The following TSNARE1 variants were observed in gnomAD, a reference collection of about 807,000 sequenced individuals.
TSNARE1 encodes the protein t-SNARE domain-containing protein 1.
Under a neutral mutation model 62.0 loss-of-function variants are expected in TSNARE1, and 49 were observed. The ratio of observed to expected loss-of-function variants is 0.79; its 90% CI spans 0.63 to 1.00. The LOEUF is 1.00. TSNARE1 is among the 50% of genes least tolerant of loss of function. The probability of loss-of-function intolerance (pLI) is 0.00; values close to 1 mark genes in which losing one functional copy is unlikely to be tolerated. For synonymous variants in TSNARE1, 328 were observed against 294.4 expected, an observed-to-expected ratio of 1.11 and a Z score of -1.17; for missense variants, 755 against 700.1, an observed-to-expected ratio of 1.08 and a Z score of -0.88.
intron 1 of TSNARE1, among the ~76,000 whole-genome samples, chr8:142,383,675 C>T (rs1475528138): frequency 6.6e-6 from 1 of 152,166 alleles, no homozygotes; most frequent in Non-Finnish European, 1.5e-5. Context: ...CTGTGTGCAG[C>T]CACCAAAAGA....
intron 6 of TSNARE1, among the ~76,000 whole-genome samples, chr8:142,325,043 T>A (rs1830001975): frequency 6.6e-6 from 1 of 152,222 alleles, no homozygotes; most frequent in Admixed American, 6.5e-5. Context: ...CCCAGTTTCA[T>A]GAGCAGGTGA....
chr8:142,307,203 C>T (rs950351011), intron 9 of TSNARE1, among the ~76,000 whole-genome samples: 18 of 152,080 alleles, frequency 1.2e-4, no homozygotes, highest in Non-Finnish European at 2.6e-4. Flanking sequence ...TTGGACTCAG[C>T]GTTATGTCCG....
chr8:142,379,934 C>T lies in TSNARE1; in HGVS notation c.-40+23170G>A, dbSNP rs192480101. On this transcript the variant is annotated intron_variant, in intron 1 of 13. Transcript: ENST00000524325. ...AAAGGAAGCATCTAATCCCCCTCTC[C>T]CCAGGGTCTGAAGGGCCTTCTTGTG... Among the ~76,000 whole-genome samples the T allele has an allele frequency of 6.2e-3, 945 of 152,300 alleles. 9 individuals carry two copies. Among genetic ancestry groups the T allele is most frequent in the African/African-American group, 0.022 (911 of 41,570 alleles).
intron 1 of TSNARE1, among the ~76,000 whole-genome samples, chr8:142,366,760 T>C (rs1835576253): frequency 6.6e-6 from 1 of 152,198 alleles, no homozygotes; most frequent in Admixed American, 6.5e-5. Flanking sequence ...AACACTGTTA[T>C]GGTGGTGTCA....
intron 9 of TSNARE1, among the ~76,000 whole-genome samples, chr8:142,307,275 T>G (rs1478004537): frequency 2.0e-5 from 3 of 152,336 alleles, no homozygotes; most frequent in African/African-American, 7.2e-5. Flanking sequence ...GAGTCCCCCG[T>G]GGCATGAATT....
At chr8:142,271,654 C>T in intron 12 of TSNARE1, 2 of 1,396,120 alleles carry the variant, frequency 1.4e-6, no homozygotes, top group Admixed American at 3.2e-5. Flanking sequence ...ACCTCAGGGG[C>T]AGCCACAAGC....
intron 1 of TSNARE1, among the ~76,000 whole-genome samples, chr8:142,385,067 G>T (rs1308388796): frequency 6.6e-6 from 1 of 152,036 alleles, no homozygotes; most frequent in Non-Finnish European, 1.5e-5. Context: ...AAAAGCGAAT[G>T]AAATGAGGTG....
chr8:142,286,191 A>AT (rs2130944934), intron 10 of TSNARE1, among the ~76,000 whole-genome samples: 1 of 152,140 alleles, frequency 6.6e-6, no homozygotes, highest in South Asian at 2.1e-4. Flanking sequence ...CCCTCCTCAC[A>AT]TAGCGCCTGG....
intron 1 of TSNARE1, among the ~76,000 whole-genome samples, chr8:142,378,426 C>T (rs34714270): frequency 0.14 from 20,571 of 152,220 alleles, 1,482 homozygotes; most frequent in East Asian, 0.22. Context: ...GCAAAGACAG[C>T]CATCAAAACT....
chr8:142,324,910 G>A (rs1008750938), intron 6 of TSNARE1, among the ~76,000 whole-genome samples: 5 of 152,264 alleles, frequency 3.3e-5, no homozygotes, highest in Non-Finnish European at 5.9e-5. Flanking sequence ...TCGGCTGAGG[G>A]GGCTGTGGGA....
At position 142,319,614 on chromosome 8, in the gene TSNARE1, A is replaced by AAGGCCCCTGC. The variant is rs1463623734; in HGVS notation, c.894-990_894-981dup. On this transcript the variant is annotated intron_variant, in intron 6 of 13. Coordinates refer to ENST00000524325, the MANE Select transcript of TSNARE1 (RefSeq NM_145003.5). This position sits in a 1 kb window ranked among gnomAD's most constrained non-coding sequence, Gnocchi z 4.9. The stretch of plus-strand genomic sequence containing the variant: ...AGTGACCCTTTCAAGTACAGCCCAA[A>AAGGCCCCTGC]AGGCCCCTGCAGGCCCCTCAGGCAT... 2.0e-5 allele frequency among the ~76,000 whole-genome samples: 3 copies of AAGGCCCCTGC among 152,100 alleles called. No individual in the cohort carries two copies. Among genetic ancestry groups the AAGGCCCCTGC allele is most frequent in the African/African-American group, 7.2e-5 (3 of 41,426 alleles).
rs1266635019 is a variant in TSNARE1, at chr8:142,307,323, G to A, written c.1132-6679C>T. ...CTTTTCTGTGCTGGTCAGACTGGGC[G>A]GTGTTCCAGGTTGTGTCACTGCGTG... On this transcript the variant is annotated intron_variant, in intron 9 of 13. Coordinates refer to ENST00000524325, the MANE Select transcript of TSNARE1 (RefSeq NM_145003.5). Among the ~76,000 whole-genome samples the A allele has an allele frequency of 2.6e-5, 4 of 152,208 alleles. 1 individual carries two copies. Among genetic ancestry groups the A allele is most frequent in the South Asian group, 4.1e-4 (2 of 4,830 alleles).
chr8:142,263,482 TC>T (rs1348434563), intron 12 of TSNARE1, among the ~76,000 whole-genome samples: 1 of 152,234 alleles, frequency 6.6e-6, no homozygotes, highest in African/African-American at 2.4e-5. Context: ...TGGACTGGCC[TC>T]AAACATCCCC....
intron 11 of TSNARE1, among the ~76,000 whole-genome samples, chr8:142,284,167 CTGTCAATGAGCAGAGCAGGGACCAG>C (rs1279378015): frequency 6.6e-6 from 1 of 152,194 alleles, no homozygotes; most frequent in African/African-American, 2.4e-5. Context: ...GGGCCAGTGT[CTGTCAATGAGCAGAGCAGGGACCAG>C]TGTCAATGAG....
chr8:142,323,629 C>G (rs1829805132), intron 6 of TSNARE1, among the ~76,000 whole-genome samples: 1 of 152,214 alleles, frequency 6.6e-6, no homozygotes, highest in African/African-American at 2.4e-5. Context: ...GGCCGAGGTG[C>G]CTCAGCAAGG....
intron 12 of TSNARE1, among the ~76,000 whole-genome samples, chr8:142,230,609 G>C (rs561260222): frequency 2.0e-4 from 31 of 152,242 alleles, no homozygotes; most frequent in African/African-American, 4.8e-4. Flanking sequence ...GGGAGGGTAA[G>C]ATGGAACAGA....
At chr8:142,401,675 G>A (rs1838303348) in intron 1 of TSNARE1, among the ~76,000 whole-genome samples, 1 of 152,130 alleles carries the variant, frequency 6.6e-6, no homozygotes, top group African/African-American at 2.4e-5. Context: ...GCTGCCAGAT[G>A]TTCATGGGGC....
chr8:142,343,990 C>G lies in TSNARE1; in HGVS notation c.721G>C (p.Gly241Arg). 1 of 1,541,518 alleles carries G rather than the reference C, an allele frequency of 6.5e-7. No homozygotes were observed. The highest frequency in any genetic ancestry group is 8.8e-7 in the Non-Finnish European group (1 of 1,142,428). The change falls in exon 4 of 14, where the codon GGC (glycine) becomes CGC (arginine). Residue 241 changes from glycine (G) to arginine (R), a missense_variant. By Grantham distance (125) the Gly-to-Arg change is moderately radical (BLOSUM62 -2). Transcript: ENST00000524325. ...TFSCQALPSE[G>R]FSLEPPRATQ... Reference sequence around the variant, plus strand: ...CCTCTGGGCGGCTCCAGACTGAAGCCCTCGGAGGGCAGGGCCTGGCAAGAG... The same window carrying G: ...CCTCTGGGCGGCTCCAGACTGAAGCGCTCGGAGGGCAGGGCCTGGCAAGAG...
intron 10 of TSNARE1, among the ~76,000 whole-genome samples, chr8:142,293,354 G>T (rs1305282560): frequency 6.6e-6 from 1 of 152,214 alleles, no homozygotes; most frequent in African/African-American, 2.4e-5. Context: ...TGGCAGGAGG[G>T]TGGGTGTGGG....
Sources: allele counts gnomAD v4.1 joint callset (sites outside exome capture counted in the v4.1 genomes callset), GRCh38; gene constraint gnomAD v4.1.1; non-coding constraint Gnocchi (gnomAD v3.1); transcripts MANE v1.5; gene names NCBI Gene and HGNC (gene_info 2026-07-23, HGNC 2026-07-21).